The following SGF29 variants were observed in gnomAD, a reference collection of about 807,000 sequenced individuals.
SGF29 encodes SAGA complex associated factor 29.
Under a neutral mutation model 38.1 loss-of-function variants are expected in SGF29, and 15 were observed. The observed-to-expected ratio is 0.39, with a 90% CI of 0.26 to 0.61. The LOEUF (loss-of-function observed/expected upper bound fraction) is 0.61, where lower values mean the gene tolerates loss of function less well. Ranked by LOEUF, SGF29 falls within the 20% of genes least tolerant of loss-of-function variation. SGF29 has a pLI of 0.49. For missense variants in SGF29, 184 were observed against 394.6 expected, an observed-to-expected ratio of 0.47 and a Z score of 4.52; for synonymous variants, 151 against 160.8, an observed-to-expected ratio of 0.94 and a Z score of 0.46.
chr16:28,564,744 T>C (rs1377446498), intron 1 of SGF29, among the ~76,000 whole-genome samples: 1 of 6,570 alleles, frequency 1.5e-4, no homozygotes, highest in African/African-American at 3.0e-4. Flanking sequence ...TATGTATATA[T>C]GTATATATAT....
At chr16:28,572,878 T>G (rs1408441678) in intron 1 of SGF29, among the ~76,000 whole-genome samples, 1 of 151,980 alleles carries the variant, frequency 6.6e-6, no homozygotes, top group Admixed American at 6.6e-5. Flanking sequence ...CTTCTCAGCA[T>G]GAAACTCCCC....
Position 28,569,652 on chromosome 16 carries a change from A to G in SGF29, c.-15-11403A>G, listed in dbSNP as rs570133671. 2.0e-3 allele frequency among the ~76,000 whole-genome samples: 312 copies of G among 152,314 alleles called. 1 individual carries two copies. The highest frequency in any genetic ancestry group is 3.6e-3 in the Non-Finnish European group (248 of 68,014). On this transcript the variant is annotated intron_variant, in intron 1 of 9. Coordinates refer to ENST00000317058, the MANE Select transcript of SGF29 (RefSeq NM_138414.3). ...GGGTGACAGAGCGAGAGCCTGTCTC[A>G]AAAAGAAAAAAAAAGAATAAATGTA...
At position 28,590,674 on chromosome 16, in the gene SGF29, T is replaced by TCCAGG; in HGVS notation, c.602+14_602+18dup. On this transcript the variant is annotated intron_variant, in intron 8 of 9. Coordinates refer to ENST00000317058, the MANE Select transcript of SGF29 (RefSeq NM_138414.3). This position sits in a 1 kb window ranked among gnomAD's most constrained non-coding sequence, Gnocchi z 8.2. ...CGATGAAGAAGGCAAAGAGTGAGTG[T>TCCAGG]CCAGGCCAGGGCAGGGCATGGAGCC... is the stretch of plus-strand genomic sequence containing the variant. 1.9e-6 allele frequency: 3 copies of TCCAGG among 1,614,090 alleles called. No homozygotes were observed. Among genetic ancestry groups the TCCAGG allele is most frequent in the Non-Finnish European group, 2.5e-6 (3 of 1,179,998 alleles).
intron 1 of SGF29, among the ~76,000 whole-genome samples, chr16:28,564,739 A>G (rs1340862238): frequency 3.2e-4 from 2 of 6,218 alleles, no homozygotes; most frequent in Non-Finnish European, 5.1e-4. Flanking sequence ...ATATATATGT[A>G]TATATGTATA....
chr16:28,571,360 G>A (rs1050768227), intron 1 of SGF29, among the ~76,000 whole-genome samples: 7 of 152,148 alleles, frequency 4.6e-5, no homozygotes, highest in Admixed American at 6.6e-5. Flanking sequence ...TTGGGAAGCC[G>A]AGGCAGGTGG....
intron 2 of SGF29, among the ~76,000 whole-genome samples, chr16:28,582,389 G>A (rs1362076642): frequency 2.0e-5 from 3 of 152,176 alleles, no homozygotes; most frequent in East Asian, 3.9e-4. Context: ...TGGGGGGCAC[G>A]CAACATGATG....
chr16:28,578,533 A>G (rs1459072094), intron 1 of SGF29, among the ~76,000 whole-genome samples: 1 of 152,104 alleles, frequency 6.6e-6, no homozygotes, highest in Admixed American at 6.6e-5. Flanking sequence ...GTATGTTATT[A>G]TACTTTTAAA....
chr16:28,591,056 G>A (rs2046987195), intron 9 of SGF29, 121 bp downstream of exon 9: 3 of 1,264,818 alleles, frequency 2.4e-6, no homozygotes, highest in East Asian at 5.1e-5. Flanking sequence ...AAGCTGACAG[G>A]ACCCACCAGC....
chr16:28,556,339 T>C (rs138771056), intron 1 of SGF29, among the ~76,000 whole-genome samples: 168 of 151,270 alleles, frequency 1.1e-3, no homozygotes, highest in African/African-American at 3.8e-3. Context: ...CTGGCTAATT[T>C]TTTGTTTGTT....
intron 5 of SGF29, 125 bp from the exon 6 acceptor site, chr16:28,589,971 G>A (rs1312772006): frequency 7.4e-7 from 1 of 1,352,108 alleles, no homozygotes; most frequent in Non-Finnish European, 9.9e-7. Context: ...CAGTCCTGCT[G>A]GGCCCTCGGG....
chr16:28,579,937 A>G (rs2046915922), intron 1 of SGF29, among the ~76,000 whole-genome samples: 1 of 152,144 alleles, frequency 6.6e-6, no homozygotes, highest in South Asian at 2.1e-4. Context: ...GTCTCAAAAA[A>G]AAAAAAATTA....
At chr16:28,572,861 T>A (rs2046872976) in intron 1 of SGF29, among the ~76,000 whole-genome samples, 1 of 151,830 alleles carries the variant, frequency 6.6e-6, no homozygotes, top group Non-Finnish European at 1.5e-5. Context: ...CCCTCTTCTG[T>A]CCCTGGCTTC....
intron 1 of SGF29, among the ~76,000 whole-genome samples, chr16:28,562,782 T>G (rs1446648352): frequency 6.6e-6 from 1 of 151,262 alleles, no homozygotes; most frequent in Non-Finnish European, 1.5e-5. Context: ...TACATGCCTA[T>G]AGTCTCAGCT....
intron 1 of SGF29, among the ~76,000 whole-genome samples, chr16:28,558,295 TA>T (rs1308151223): frequency 6.6e-6 from 1 of 151,538 alleles, no homozygotes; most frequent in Non-Finnish European, 1.5e-5. Context: ...TTTGTATTTT[TA>T]GTAGAGATGG....
At position 28,589,100 on chromosome 16, in the gene SGF29, C is replaced by T. The variant is rs750570102; in HGVS notation, c.225C>T (p.Asn75=). Residue 75 remains asparagine (N), a splice_region_variant and synonymous_variant, in exon 5 of 10, where the codon AAC becomes AAT. Coordinates refer to ENST00000317058, the MANE Select transcript of SGF29 (RefSeq NM_138414.3). ...CTTTCTCCCTTCTCCCCGCCCTCAG[C>T]ATCCTTCGGAAAGCTCTGGACAAGA... The part of the protein sequence containing the change: ...TAKADAEAEC[N]ILRKALDKIA... 3.9e-5 allele frequency: 63 copies of T among 1,614,028 alleles called. No homozygotes were observed. Among genetic ancestry groups the T allele is most frequent in the Non-Finnish European group, 5.1e-5 (60 of 1,179,974 alleles).
At chr16:28,584,845 C>A in intron 2 of SGF29, 68 bp from the exon 3 acceptor site, 2 of 1,164,084 alleles carry the variant, frequency 1.7e-6, no homozygotes, top group Non-Finnish European at 2.5e-6. Context: ...GGGACTCTGG[C>A]CTGGCTGGCA....
intron 1 of SGF29, among the ~76,000 whole-genome samples, chr16:28,566,215 A>G (rs1483294630): frequency 6.6e-6 from 1 of 151,678 alleles, no homozygotes; most frequent in Non-Finnish European, 1.5e-5. Context: ...CAGAGCTTGC[A>G]GTGAGCCAAG....
intron 1 of SGF29, among the ~76,000 whole-genome samples, chr16:28,556,154 A>G (rs952601720): frequency 5.3e-5 from 8 of 152,076 alleles, no homozygotes; most frequent in Non-Finnish European, 1.0e-4. Context: ...CCAATTGATG[A>G]ATATAGATTC....
chr16:28,554,339 C>A (rs1229625055), intron 1 of SGF29, among the ~76,000 whole-genome samples: 2 of 151,904 alleles, frequency 1.3e-5, no homozygotes, highest in Non-Finnish European at 2.9e-5. Context: ...TTGCGTGCTT[C>A]CATCCCCGGC....
Sources: allele counts gnomAD v4.1 joint callset (sites outside exome capture counted in the v4.1 genomes callset), GRCh38; gene constraint gnomAD v4.1.1; non-coding constraint Gnocchi (gnomAD v3.1); transcripts MANE v1.5; gene names NCBI Gene and HGNC (gene_info 2026-07-23, HGNC 2026-07-21).